The following SRGAP3 variants were observed in gnomAD, a reference collection of about 807,000 sequenced individuals.
SRGAP3 encodes SLIT-ROBO Rho GTPase-activating protein 3.
A neutral mutation model predicts 121.1 loss-of-function variants in SRGAP3; 39 were observed. The ratio of observed to expected loss-of-function variants is 0.32; its 90% confidence interval spans 0.25 to 0.42. SRGAP3 has a LOEUF of 0.42. Ranked by LOEUF, SRGAP3 falls within the 10% of genes least tolerant of loss-of-function variation. The probability of loss-of-function intolerance (pLI) is 1.00; values close to 1 mark genes in which losing one functional copy is unlikely to be tolerated. For synonymous variants in SRGAP3, 601 were observed against 570.0 expected, an observed-to-expected ratio of 1.05 and a Z score of -0.77; for missense variants, 1,213 against 1,470.6, an observed-to-expected ratio of 0.82 and a Z score of 2.86.
chr3:9,316,235 G>C (rs1955344127), intron 3 of SRGAP3, among the ~76,000 whole-genome samples: 1 of 151,456 alleles, frequency 6.6e-6, no homozygotes, highest in South Asian at 2.1e-4. Context: ...TTTCAGTGGA[G>C]ACCGGGTTTC....
chr3:9,262,851 C>G (rs1324554953), intron 3 of SRGAP3, among the ~76,000 whole-genome samples: 1 of 152,190 alleles, frequency 6.6e-6, no homozygotes, highest in Non-Finnish European at 1.5e-5. Flanking sequence ...GACTTGAACT[C>G]AGCTTTGGAC....
In SRGAP3 at chr3:9,035,612, G is replaced by GGAAAGAAA. The variant is rs3841960; in HGVS notation, c.1436+2443_1436+2450dup. On this transcript the variant is annotated intron_variant, in intron 11 of 21. Transcript: ENST00000383836. ...CTGCTGCTCAGATGCAGAGCAAAAA[G>GGAAAGAAA]GAAAGAAAGAAAGAAAGAGAGGCAG... is the stretch of plus-strand genomic sequence containing the variant. 4.5e-3 allele frequency: 812 copies of GGAAAGAAA among 179,358 alleles called. 5 individuals carry two copies. The highest frequency in any genetic ancestry group is 0.018 in the African/African-American group (781 of 42,288). 11.1% of individuals were successfully genotyped at this position (179,358 alleles called of 1,614,324 possible).
At chr3:9,013,907 C>T in intron 15 of SRGAP3, 65 bp from the exon 16 acceptor site, 1 of 1,463,402 alleles carries the variant, frequency 6.8e-7, no homozygotes, top group East Asian at 2.3e-5. Flanking sequence ...CAAACATTCG[C>T]TCGCCACATC....
chr3:9,107,885 T>C (rs1948473257), intron 2 of SRGAP3, among the ~76,000 whole-genome samples: 1 of 152,192 alleles, frequency 6.6e-6, no homozygotes, highest in Non-Finnish European at 1.5e-5. Context: ...ATGTAGCAGA[T>C]GCTATGGAAG....
At chr3:9,213,914 C>T (rs1472328228) in intron 1 of SRGAP3, among the ~76,000 whole-genome samples, 4 of 152,194 alleles carry the variant, frequency 2.6e-5, no homozygotes, top group African/African-American at 9.7e-5. Context: ...ATTCTCTTTA[C>T]CTGCTTTTCA....
At chr3:9,088,166 ATTCGCTCTCACTGCCCACAT>A (rs1312690613) in intron 3 of SRGAP3, among the ~76,000 whole-genome samples, 1 of 152,144 alleles carries the variant, frequency 6.6e-6, no homozygotes, top group Non-Finnish European at 1.5e-5. Flanking sequence ...GTGATAATGT[ATTCGCTCTCACTGCCCACAT>A]TTTCCACACT....
In SRGAP3 at chr3:8,990,536, G is replaced by C; in HGVS notation, c.2862C>G (p.Ser954=). The C allele has an allele frequency of 6.4e-7, 1 of 1,565,582 alleles. No homozygotes were observed. The highest frequency in any genetic ancestry group is 8.7e-7 in the Non-Finnish European group (1 of 1,155,102). ...CTTCTGCCAGGGCCTCGGCCTCCAG[G>C]GACTTGTGGTCCCCTAGGCTGCTGT... The part of the protein sequence containing the change: ...TRHSSLGDHK[S]LEAEALAEDI... Residue 954 remains serine, a synonymous_variant, in exon 21 of 22, where the codon TCC becomes TCG. Transcript: ENST00000383836.
At chr3:9,139,406 G>C (rs1468165284) in intron 1 of SRGAP3, among the ~76,000 whole-genome samples, 1 of 152,186 alleles carries the variant, frequency 6.6e-6, no homozygotes, top group Non-Finnish European at 1.5e-5. Flanking sequence ...TTACAGGAGA[G>C]AGAGGGGAAA....
chr3:9,284,447 T>C (rs1255061468), intron 3 of SRGAP3, among the ~76,000 whole-genome samples: 2 of 152,242 alleles, frequency 1.3e-5, no homozygotes, highest in Non-Finnish European at 2.9e-5. Context: ...CTGTCTAAGG[T>C]GCCAGAAGCT....
chr3:9,306,776 G>C lies in SRGAP3; in HGVS notation n.442+19234C>G, dbSNP rs563904772. 2.6e-5 allele frequency among the ~76,000 whole-genome samples: 4 copies of C among 152,206 alleles called. No individual in the cohort carries two copies. In the East Asian group the frequency reaches 7.7e-4, roughly 29 times the overall value. On this transcript the variant is annotated intron_variant and non_coding_transcript_variant, in intron 3 of 3. Transcript: ENST00000490889. ...GGAGGTCCTCTCTTAAACCTGACCT[G>C]AGCAGCACAATCTCCTGGCTGCCAC...
intron 3 of SRGAP3, among the ~76,000 whole-genome samples, chr3:9,302,643 G>A (rs1424384914): frequency 6.6e-6 from 1 of 152,196 alleles, no homozygotes; most frequent in African/African-American, 2.4e-5. Flanking sequence ...TAAAATGAGA[G>A]CTTAGACACG....
Position 9,217,976 on chromosome 3 carries a change from T to G in SRGAP3, c.67+30909A>C, listed in dbSNP as rs1314299817. On this transcript the variant is annotated intron_variant, in intron 1 of 21. Transcript: ENST00000383836. Reference sequence around the variant, plus strand: ...CAGGGGGTACACTACAGCTTCGGCTTTACAAACACAGGGAAAAAGCTAACA... The same window carrying G: ...CAGGGGGTACACTACAGCTTCGGCTGTACAAACACAGGGAAAAAGCTAACA... 3 of 152,106 alleles carry G rather than the reference T, an allele frequency of 2.0e-5. No homozygotes were observed. The East Asian group carries it at 5.8e-4, about 29-fold the overall frequency. The allele number at this position is 152,106 out of a possible 1,614,324, so 9.4% of individuals were successfully genotyped here. A position where few individuals can be genotyped will look rare whatever the true frequency, so the allele number is the denominator to read the frequency against.
rs775136824 is a variant in SRGAP3, at chr3:9,062,402, GTTATT to G, written c.672+1989_672+1993del. On this transcript the variant is annotated intron_variant, in intron 5 of 21. Coordinates refer to ENST00000383836, the MANE Select transcript of SRGAP3 (RefSeq NM_014850.4). Reference sequence around the variant, plus strand: ...TTGTAGTCCTATCATTCCCTGCTTGGTTATTTTATTTTATTTTTATTTATTTTTAC... The same window carrying G: ...TTGTAGTCCTATCATTCCCTGCTTGGTTATTTTATTTTTATTTATTTTTAC... Among the ~76,000 whole-genome samples, 24 of 151,548 alleles carry G rather than the reference GTTATT, an allele frequency of 1.6e-4. 1 individual carries two copies. The East Asian group carries it at 3.5e-3, about 22-fold the overall frequency.
chr3:9,198,786 CTTTCTTCTAA>C lies in SRGAP3; in HGVS notation c.67+50089_67+50098del, dbSNP rs1230710561. On this transcript the variant is annotated intron_variant, in intron 1 of 21. Coordinates refer to ENST00000383836, the MANE Select transcript of SRGAP3 (RefSeq NM_014850.4). ...CCCAGCAAACGGGGCTAGGACTGTC[CTTTCTTCTAA>C]AGGGCATTCACATGTAAAACAGGCC... 6.6e-5 allele frequency among the ~76,000 whole-genome samples: 10 copies of C among 152,302 alleles called. No individual in the cohort carries two copies. In the East Asian group the frequency reaches 1.9e-3, roughly 29 times the overall value.
At chr3:9,249,913 A>C (rs1270959893), upstream of SRGAP3, among the ~76,000 whole-genome samples, 3 of 151,850 alleles carry the variant, frequency 2.0e-5, no homozygotes, top group African/African-American at 7.3e-5. Context: ...CTTTTTTTGC[A>C]CTGTGCAATT....
intron 14 of SRGAP3, among the ~76,000 whole-genome samples, chr3:9,023,048 T>G (rs141848062): frequency 2.6e-4 from 40 of 151,246 alleles, no homozygotes; most frequent in African/African-American, 9.5e-4. Flanking sequence ...GCTACCAGAG[T>G]AGGGAAAGGG....
chr3:9,321,957 C>A (rs1451734484), intron 3 of SRGAP3, among the ~76,000 whole-genome samples: 1 of 150,722 alleles, frequency 6.6e-6, no homozygotes, highest in African/African-American at 2.4e-5. Context: ...TACCACTGAA[C>A]CTGAAATACA....
chr3:9,340,256 T>C (rs913740910), intron 1 of SRGAP3, among the ~76,000 whole-genome samples: 2 of 152,252 alleles, frequency 1.3e-5, no homozygotes, highest in African/African-American at 4.8e-5. Flanking sequence ...ATAGATTTAA[T>C]ATCTGGCACT....
chr3:9,240,823 C>A (rs1953605124), intron 1 of SRGAP3, among the ~76,000 whole-genome samples: 1 of 152,188 alleles, frequency 6.6e-6, no homozygotes, highest in African/African-American at 2.4e-5. Context: ...TGCATCACAG[C>A]CGTGCGGGCA....
Sources: gnomAD v4.1 joint callset for allele counts (sites outside exome capture counted in the v4.1 genomes callset) on GRCh38, gnomAD v4.1.1 for gene constraint, MANE v1.5 for transcripts, NCBI Gene and HGNC (gene_info 2026-07-23, HGNC 2026-07-21) for gene names.